The following SPAG16 variants were observed in gnomAD, a reference collection of about 807,000 sequenced individuals.
SPAG16 encodes sperm-associated antigen 16 protein.
Under a neutral mutation model 80.4 loss-of-function variants are expected in SPAG16, and 86 were observed. The observed-to-expected ratio is 1.07, with a 90% CI of 0.90 to 1.28. The LOEUF (loss-of-function observed/expected upper bound fraction) is 1.28, where lower values mean the gene tolerates loss of function less well. Ranked by LOEUF, SPAG16 falls within the 50% of genes most tolerant of loss-of-function variation. SPAG16 has a pLI of 0.00. For missense variants in SPAG16, 870 were observed against 765.3 expected (o/e 1.14, Z -1.61); for synonymous variants, 294 against 265.9 (o/e 1.11, Z -1.03).
chr2:214,189,970 T>G (rs1912199), intron 15 of SPAG16, among the ~76,000 whole-genome samples: 28,101 of 151,966 alleles, frequency 0.18, 3,942 homozygotes, highest in East Asian at 0.45. Flanking sequence ...AATAAAAATT[T>G]TAATTGACTG....
At chr2:213,950,487 CT>C (rs150300450) in intron 12 of SPAG16, among the ~76,000 whole-genome samples, 22,231 of 152,064 alleles carry the variant, frequency 0.15, 2,035 homozygotes, top group Non-Finnish European at 0.21. Flanking sequence ...TCACACCGCC[CT>C]TTAACAGTGG....
chr2:213,630,396 AAAG>A (rs2062106125), intron 10 of SPAG16, among the ~76,000 whole-genome samples: 1 of 152,104 alleles, frequency 6.6e-6, no homozygotes, highest in Non-Finnish European at 1.5e-5. Context: ...AAAAAAAAAA[AAAG>A]ATGTTTCTGT....
intron 15 of SPAG16, among the ~76,000 whole-genome samples, chr2:214,247,747 G>A (rs986919673): frequency 6.6e-6 from 1 of 151,988 alleles, no homozygotes; most frequent in Non-Finnish European, 1.5e-5. Context: ...AAAAATCAAC[G>A]AGATCCAGGC....
chr2:213,925,785 A>G (rs931052065), intron 11 of SPAG16, among the ~76,000 whole-genome samples: 2 of 152,246 alleles, frequency 1.3e-5, no homozygotes, highest in African/African-American at 4.8e-5. Context: ...TAATGTAGTC[A>G]TCTTATGAGT....
At chr2:213,538,151 G>A (rs1575885665) in intron 10 of SPAG16, among the ~76,000 whole-genome samples, 2 of 152,104 alleles carry the variant, frequency 1.3e-5, no homozygotes, top group Non-Finnish European at 1.5e-5. Flanking sequence ...TTCAGAGATC[G>A]ATATTGAAAA....
chr2:213,772,226 T>C (rs1223691752), intron 10 of SPAG16, among the ~76,000 whole-genome samples: 1 of 152,184 alleles, frequency 6.6e-6, no homozygotes, highest in Non-Finnish European at 1.5e-5. Context: ...AGTTAATTCA[T>C]GATTTGGCTC....
chr2:213,383,910 C>G (rs1201651352), intron 9 of SPAG16, among the ~76,000 whole-genome samples: 1 of 152,116 alleles, frequency 6.6e-6, no homozygotes, highest in African/African-American at 2.4e-5. Context: ...GTTGTCTGCC[C>G]AACTGAATGC....
chr2:213,426,754 G>GGTGTGTGTGTGTGTGT (rs148203065), intron 9 of SPAG16, among the ~76,000 whole-genome samples: 1 of 140,544 alleles, frequency 7.1e-6, no homozygotes, highest in Non-Finnish European at 1.6e-5. Flanking sequence ...GCATAAATCT[G>GGTGTGTGTGTGTGTGT]GTGTGTGTGT....
At chr2:214,216,599 C>T (rs544830931) in intron 15 of SPAG16, among the ~76,000 whole-genome samples, 1 of 152,310 alleles carries the variant, frequency 6.6e-6, no homozygotes, top group East Asian at 1.9e-4. Context: ...GGATTACAGG[C>T]GTGAGCCACT....
chr2:213,482,139 T>C (rs1168753274), intron 9 of SPAG16, among the ~76,000 whole-genome samples: 2 of 152,224 alleles, frequency 1.3e-5, no homozygotes, highest in African/African-American at 4.8e-5. Flanking sequence ...TTGTACTACA[T>C]TGTGCAAGGG....
intron 8 of SPAG16, among the ~76,000 whole-genome samples, chr2:213,373,750 A>T (rs780468000): frequency 3.9e-5 from 6 of 152,182 alleles, no homozygotes; most frequent in Non-Finnish European, 7.4e-5. Flanking sequence ...AATGGGAACA[A>T]AAGGTAGTGT....
intron 10 of SPAG16, among the ~76,000 whole-genome samples, chr2:213,499,748 G>T (rs931469601): frequency 6.6e-5 from 10 of 152,190 alleles, no homozygotes; most frequent in Admixed American, 2.0e-4. Context: ...ATATGCTCAT[G>T]ACCAAATTCT....
rs1190976343 is a variant in SPAG16 at position 213,737,750 on chromosome 2, A to G, written c.1071-124735A>G. Among the ~76,000 whole-genome samples, 8 of 152,134 alleles carry G rather than the reference A, an allele frequency of 5.3e-5. No homozygotes were observed. The East Asian group carries it at 1.5e-3, about 29-fold the overall frequency. Reference sequence around the variant, plus strand: ...TGATCAGCCCGCCTCGGCCTCCCAAAGTGCTGGGATTACAGGCGTGAGCCA... The same window carrying G: ...TGATCAGCCCGCCTCGGCCTCCCAAGGTGCTGGGATTACAGGCGTGAGCCA... On this transcript the variant is annotated intron_variant, in intron 10 of 15. Coordinates refer to ENST00000331683, the MANE Select transcript of SPAG16 (RefSeq NM_024532.5).
intron 13 of SPAG16, among the ~76,000 whole-genome samples, chr2:214,065,617 T>C (rs988937763): frequency 1.3e-5 from 2 of 152,212 alleles, no homozygotes; most frequent in African/African-American, 4.8e-5. Flanking sequence ...AGTGTCAGGC[T>C]ATTCCATAGT....
At chr2:213,474,656 C>G (rs2073273733) in intron 9 of SPAG16, among the ~76,000 whole-genome samples, 1 of 152,128 alleles carries the variant, frequency 6.6e-6, no homozygotes, top group Non-Finnish European at 1.5e-5. Context: ...TGAGTCTAAT[C>G]ATATTAAGCA....
intron 13 of SPAG16, among the ~76,000 whole-genome samples, chr2:214,081,230 C>G (rs1171271271): frequency 6.6e-6 from 1 of 151,986 alleles, no homozygotes; most frequent in Non-Finnish European, 1.5e-5. Flanking sequence ...TAGGATCATA[C>G]CAAGACTCCA....
intron 11 of SPAG16, among the ~76,000 whole-genome samples, chr2:213,929,008 T>C (rs1327105472): frequency 3.1e-5 from 4 of 130,774 alleles, no homozygotes; most frequent in African/African-American, 1.2e-4. Flanking sequence ...TTCTTTTTTT[T>C]TTTTTTTTTT....
At chr2:213,839,053 T>A (rs1045493432) in intron 10 of SPAG16, among the ~76,000 whole-genome samples, 4 of 152,030 alleles carry the variant, frequency 2.6e-5, no homozygotes, top group African/African-American at 9.7e-5. Flanking sequence ...TAGAAAAAAA[T>A]AAAGGAAGTG....
chr2:214,092,946 C>T (rs552146955), intron 13 of SPAG16, among the ~76,000 whole-genome samples: 1 of 152,236 alleles, frequency 6.6e-6, no homozygotes, highest in South Asian at 2.1e-4. Flanking sequence ...GCAGCTAAAT[C>T]AATTTCAATT....
Sources: gnomAD v4.1 joint callset for allele counts (sites outside exome capture counted in the v4.1 genomes callset) on GRCh38, gnomAD v4.1.1 for gene constraint, MANE v1.5 for transcripts, NCBI Gene and HGNC (gene_info 2026-07-23, HGNC 2026-07-21) for gene names.